The following DNAI3 variants were observed in gnomAD, a reference collection of about 807,000 sequenced individuals.
The protein encoded by DNAI3 is dynein axonemal intermediate chain 3.
A neutral mutation model predicts 115.5 loss-of-function variants in DNAI3; 83 were observed. That is an observed-to-expected ratio of 0.72 (90% CI 0.60 to 0.86). DNAI3 has a LOEUF of 0.86. DNAI3 is among the 40% of genes least tolerant of loss of function. DNAI3 has a pLI of 0.00. For missense variants in DNAI3, 1,004 were observed against 1,075.8 expected (o/e 0.93, Z 0.93); for synonymous variants, 320 against 347.0 (o/e 0.92, Z 0.86).
chr1:85,093,825 C>A (rs1372135808), intron 9 of DNAI3, 177 bp downstream of exon 9: 1 of 745,376 alleles, frequency 1.3e-6, no homozygotes, highest in Non-Finnish European at 2.3e-6. Context: ...CTCCCAACAA[C>A]CCTGTAGGAT....
At chr1:85,066,708 G>A (rs923466120) in intron 1 of DNAI3, among the ~76,000 whole-genome samples, 1 of 152,056 alleles carries the variant, frequency 6.6e-6, no homozygotes, top group African/African-American at 2.4e-5. Flanking sequence ...AGTAAACTTA[G>A]ACTAAAGTAG....
At chr1:85,101,640 A>T (rs1655317997) in intron 13 of DNAI3, among the ~76,000 whole-genome samples, 1 of 135,270 alleles carries the variant, frequency 7.4e-6, no homozygotes, top group Non-Finnish European at 1.5e-5. Flanking sequence ...AGGCGGGAGA[A>T]TGGTGTGAAC....
chr1:85,063,183 G>A (rs535729826), intron 1 of DNAI3, among the ~76,000 whole-genome samples: 1 of 152,314 alleles, frequency 6.6e-6, no homozygotes, highest in Admixed American at 6.5e-5. Context: ...AGTATGACTG[G>A]AAAGTGTCAG....
chr1:85,114,344 C>A (rs1655751521), intron 16 of DNAI3, among the ~76,000 whole-genome samples: 1 of 152,092 alleles, frequency 6.6e-6, no homozygotes, highest in African/African-American at 2.4e-5. Context: ...AATTTTGTAT[C>A]CTGAAATCTT....
intron 1 of DNAI3, among the ~76,000 whole-genome samples, chr1:85,063,343 G>C (rs1047129700): frequency 6.6e-5 from 10 of 152,032 alleles, no homozygotes; most frequent in Admixed American, 4.6e-4. Context: ...AGGAGGGGTG[G>C]GAGGGAAGGG....
chr1:85,114,369 C>G (rs1655752221), intron 16 of DNAI3, among the ~76,000 whole-genome samples: 2 of 152,184 alleles, frequency 1.3e-5, no homozygotes. Flanking sequence ...AAATCTCTTA[C>G]TAGTTATAGT....
At chr1:85,078,301 A>T (rs1214533904) in intron 3 of DNAI3, among the ~76,000 whole-genome samples, 1 of 152,228 alleles carries the variant, frequency 6.6e-6, no homozygotes, top group Non-Finnish European at 1.5e-5. Flanking sequence ...AAATGGAGAC[A>T]AATATAGTAA....
intron 22 of DNAI3, among the ~76,000 whole-genome samples, chr1:85,131,633 T>A (rs772764657): frequency 3.3e-5 from 5 of 152,168 alleles, no homozygotes; most frequent in Admixed American, 6.6e-5. Flanking sequence ...TTCATTGCAT[T>A]CCACTGCTAC....
chr1:85,079,103 G>A (rs1303248873), intron 3 of DNAI3, among the ~76,000 whole-genome samples: 1 of 152,204 alleles, frequency 6.6e-6, no homozygotes, highest in Non-Finnish European at 1.5e-5. Context: ...GAGTCTCACA[G>A]TCCCACCTAG....
At chr1:85,074,805 T>C (rs1654401730) in intron 3 of DNAI3, among the ~76,000 whole-genome samples, 1 of 152,232 alleles carries the variant, frequency 6.6e-6, no homozygotes, top group Admixed American at 6.5e-5. Flanking sequence ...AACCTTGTTT[T>C]ATGTGTATTT....
rs761107044 is a variant in DNAI3 at position 85,128,692 on chromosome 1, AT to A, written c.2318-12del. On this transcript the variant is annotated splice_polypyrimidine_tract_variant and intron_variant, in intron 20 of 22. Transcript: ENST00000294664. Reference sequence around the variant, plus strand: ...GTTTGCTGATTTTTTCCTCCCATTTATTTTAAAATTTTCAGCTAAACAGCAA... The same window carrying A: ...GTTTGCTGATTTTTTCCTCCCATTTATTTAAAATTTTCAGCTAAACAGCAA... The A allele has an allele frequency of 6.3e-7, 1 of 1,595,812 alleles. No individual in the cohort carries two copies. The highest frequency in any genetic ancestry group is 8.5e-7 in the Non-Finnish European group (1 of 1,172,130).
chr1:85,084,794 G>T, intron 6 of DNAI3, 99 bp downstream of exon 6: 1 of 1,201,336 alleles, frequency 8.3e-7, no homozygotes, highest in Non-Finnish European at 1.1e-6. Flanking sequence ...TGCTATGGAG[G>T]CATAGTTTTT....
chr1:85,112,857 C>T (rs556884789), intron 16 of DNAI3, among the ~76,000 whole-genome samples: 1 of 152,328 alleles, frequency 6.6e-6, no homozygotes, highest in South Asian at 2.1e-4. Flanking sequence ...GCAACCTCTG[C>T]CTCTGGGTTC....
Position 85,090,687 on chromosome 1 carries a change from T to C in DNAI3, c.857+455T>C, listed in dbSNP as rs1367915002. On this transcript the variant is annotated intron_variant, in intron 8 of 22. Transcript: ENST00000294664. ...TGTCTTTTTGGACATTTCACTCTTATCACCAATTCCTGTGTTCCTGCACTC... is the reference window on the plus strand; with the variant it reads ...TGTCTTTTTGGACATTTCACTCTTACCACCAATTCCTGTGTTCCTGCACTC... Among the ~76,000 whole-genome samples the C allele has an allele frequency of 2.6e-5, 4 of 152,192 alleles. No homozygotes were observed. The South Asian group carries it at 8.3e-4, about 32-fold the overall frequency.
At chr1:85,078,949 G>T (rs746657878) in intron 3 of DNAI3, among the ~76,000 whole-genome samples, 1 of 152,232 alleles carries the variant, frequency 6.6e-6, no homozygotes, top group East Asian at 1.9e-4. Flanking sequence ...AATTCGAAGT[G>T]TGTGTTTAGT....
chr1:85,105,754 C>A (rs1354438138), intron 14 of DNAI3, among the ~76,000 whole-genome samples: 3 of 152,138 alleles, frequency 2.0e-5, no homozygotes, highest in African/African-American at 7.2e-5. Context: ...GAACAAATGG[C>A]CAGCCCCTTT....
chr1:85,107,424 C>T (rs150400973), intron 14 of DNAI3, among the ~76,000 whole-genome samples: 5 of 152,260 alleles, frequency 3.3e-5, no homozygotes, highest in East Asian at 3.9e-4. Flanking sequence ...AGTCCTGATA[C>T]GTGCCAGCCA....
At chr1:85,114,305 G>A (rs985850967) in intron 16 of DNAI3, among the ~76,000 whole-genome samples, 4 of 152,100 alleles carry the variant, frequency 2.6e-5, no homozygotes, top group Non-Finnish European at 2.9e-5. Flanking sequence ...GAGCCACCAC[G>A]CCTGGCCTAC....
chr1:85,115,432 T>C (rs1655787059), intron 16 of DNAI3, among the ~76,000 whole-genome samples: 1 of 152,226 alleles, frequency 6.6e-6, no homozygotes, highest in Non-Finnish European at 1.5e-5. Flanking sequence ...ATGGTTCCTA[T>C]AAAGCACACA....
Sources: gnomAD v4.1 joint callset for allele counts (sites outside exome capture counted in the v4.1 genomes callset) on GRCh38, gnomAD v4.1.1 for gene constraint, MANE v1.5 for transcripts, NCBI Gene and HGNC (gene_info 2026-07-23, HGNC 2026-07-21) for gene names.